VRK2: variants seen among roughly 807,000 people sequenced by gnomAD.
The protein encoded by VRK2 is VRK serine/threonine kinase 2.
In VRK2, 60 loss-of-function variants were observed where a neutral mutation model predicts 57.6. That is an observed-to-expected ratio of 1.04 (90% confidence interval 0.85 to 1.29). The LOEUF is 1.29. Ranked by LOEUF, VRK2 falls within the 50% of genes most tolerant of loss-of-function variation. The pLI is 0.00. For synonymous variants in VRK2, 231 were observed against 199.2 expected, an observed-to-expected ratio of 1.16 and a Z score of -1.35; for missense variants, 705 against 588.1, an observed-to-expected ratio of 1.20 and a Z score of -2.06.
chr2:57,950,071 A>G (rs1671378451), intron 1 of VRK2, among the ~76,000 whole-genome samples: 1 of 152,250 alleles, frequency 6.6e-6, no homozygotes, highest in African/African-American at 2.4e-5. Flanking sequence ...CATGAGATTT[A>G]AGGAAAGAAG....
At chr2:58,091,837 C>T (rs1479878412) in intron 7 of VRK2, among the ~76,000 whole-genome samples, 1 of 151,866 alleles carries the variant, frequency 6.6e-6, no homozygotes, top group Non-Finnish European at 1.5e-5. Flanking sequence ...ATAAGGAGAC[C>T]AAAACAGCGA....
intron 2 of VRK2, among the ~76,000 whole-genome samples, chr2:58,083,750 C>T (rs542161998): frequency 1.0e-3 from 154 of 151,670 alleles, no homozygotes; most frequent in Middle Eastern, 3.4e-3. Flanking sequence ...AAATATTTCC[C>T]CCCACATTTT....
chr2:57,961,242 C>G (rs532645424), intron 1 of VRK2, among the ~76,000 whole-genome samples: 1 of 152,008 alleles, frequency 6.6e-6, no homozygotes. Context: ...TGAAGAAAAT[C>G]GGAAAGAGAA....
intron 11 of VRK2, 110 bp downstream of exon 11, chr2:58,139,942 A>G: frequency 8.5e-7 from 1 of 1,181,854 alleles, no homozygotes; most frequent in Non-Finnish European, 1.2e-6. Flanking sequence ...TCTTCCTTAT[A>G]TTTAACTCCC....
At chr2:57,981,023 C>T (rs567535404) in intron 1 of VRK2, among the ~76,000 whole-genome samples, 1 of 152,126 alleles carries the variant, frequency 6.6e-6, no homozygotes, top group Non-Finnish European at 1.5e-5. Flanking sequence ...ACTTAGCCCA[C>T]TTACATTCAA....
At chr2:58,116,950 T>C (rs1172254731) in intron 7 of VRK2, among the ~76,000 whole-genome samples, 1 of 152,174 alleles carries the variant, frequency 6.6e-6, no homozygotes, top group Non-Finnish European at 1.5e-5. Context: ...TCTTGTGTGC[T>C]GGAGATGTGG....
At chr2:57,954,492 T>C (rs1323653581) in intron 1 of VRK2, among the ~76,000 whole-genome samples, 2 of 152,132 alleles carry the variant, frequency 1.3e-5, no homozygotes, top group Non-Finnish European at 2.9e-5. Context: ...TGTTTTCTTT[T>C]TTCCATTCTG....
chr2:58,063,569 A>G lies in VRK2; in HGVS notation c.136+14602A>G, dbSNP rs76863841. On this transcript the variant is annotated intron_variant, in intron 2 of 12. Transcript: ENST00000340157. The stretch of plus-strand genomic sequence containing the variant: ...TTGAAACCTACTTCTCAGAAACAAA[A>G]AAATTGCTTTCAAAACATTACTGCT... 4.1e-3 allele frequency among the ~76,000 whole-genome samples: 623 copies of G among 152,186 alleles called. 8 individuals carry two copies. Among genetic ancestry groups the G allele is most frequent in the African/African-American group, 0.014 (595 of 41,548 alleles).
chr2:58,136,596 GC>G (rs1680047312), intron 10 of VRK2, among the ~76,000 whole-genome samples: 1 of 151,262 alleles, frequency 6.6e-6, no homozygotes, highest in African/African-American at 2.4e-5. Context: ...TATTGGCCAG[GC>G]CTGGTCTCAA....
At chr2:58,142,737 A>G (rs1681523357) in intron 11 of VRK2, among the ~76,000 whole-genome samples, 1 of 151,916 alleles carries the variant, frequency 6.6e-6, no homozygotes, top group Non-Finnish European at 1.5e-5. Context: ...TAAAGCCAAG[A>G]TGGAAAACAG....
chr2:58,020,243 C>T lies in VRK2; in HGVS notation c.-438-5422C>T, dbSNP rs547477739. On this transcript the variant is annotated intron_variant, in intron 1 of 15. Coordinates refer to the VRK2 transcript ENST00000417641. ...TTTTGTTTTTAGAGACAGAGTCTTG[C>T]TCTGTTGTCCCGGCCTGGAGGGCAG... Among the ~76,000 whole-genome samples, 3 of 152,308 alleles carry T rather than the reference C, an allele frequency of 2.0e-5. No individual in the cohort carries two copies. The East Asian group carries it at 5.8e-4, about 29-fold the overall frequency.
At chr2:57,979,048 C>A (rs1005458319) in intron 1 of VRK2, among the ~76,000 whole-genome samples, 1 of 151,040 alleles carries the variant, frequency 6.6e-6, no homozygotes, top group Admixed American at 6.6e-5. Context: ...ACCATGTTTT[C>A]TTTATCCAGT....
chr2:58,039,715 G>C (rs1204541149), intron 3 of VRK2, among the ~76,000 whole-genome samples: 1 of 151,944 alleles, frequency 6.6e-6, no homozygotes, highest in East Asian at 1.9e-4. Context: ...CACACAATTT[G>C]AGTATAACTG....
intron 7 of VRK2, among the ~76,000 whole-genome samples, chr2:58,092,134 G>A (rs1464883518): frequency 6.6e-6 from 1 of 152,116 alleles, no homozygotes; most frequent in Non-Finnish European, 1.5e-5. Context: ...CCAAGATGTA[G>A]AACATTTCTT....
Position 58,034,908 on chromosome 2 carries a change from T to G in VRK2, c.-6+1355T>G, listed in dbSNP as rs534778472. ...TCAGTGGTGCCAGGTCATTGCCCCA[T>G]GAGGACTTGCAAACATATGATATAG... On this transcript the variant is annotated intron_variant, in intron 3 of 15. Coordinates refer to the VRK2 transcript ENST00000417641. Among the ~76,000 whole-genome samples, 14 of 152,130 alleles carry G rather than the reference T, an allele frequency of 9.2e-5. No homozygotes were observed. In the South Asian group the frequency reaches 2.3e-3, roughly 25 times the overall value.
At chr2:58,123,738 G>A (rs1677873469) in intron 8 of VRK2, among the ~76,000 whole-genome samples, 1 of 151,944 alleles carries the variant, frequency 6.6e-6, no homozygotes, top group Admixed American at 6.6e-5. Context: ...TGTAGTCCCA[G>A]CTGCTTGTGA....
intron 7 of VRK2, among the ~76,000 whole-genome samples, chr2:58,110,297 A>C (rs193296552): frequency 1.3e-5 from 2 of 152,326 alleles, no homozygotes; most frequent in Non-Finnish European, 2.9e-5. Flanking sequence ...TTTTCTTCAA[A>C]ACAGAAAGCA....
At chr2:57,981,897 T>C (rs1672434223) in intron 1 of VRK2, among the ~76,000 whole-genome samples, 1 of 152,206 alleles carries the variant, frequency 6.6e-6, no homozygotes, top group Non-Finnish European at 1.5e-5. Context: ...TCAGCCATTT[T>C]AGTCTGGTTA....
At chr2:57,963,550 C>T (rs1425841887) in intron 1 of VRK2, among the ~76,000 whole-genome samples, 3 of 152,062 alleles carry the variant, frequency 2.0e-5, no homozygotes, top group Non-Finnish European at 2.9e-5. Flanking sequence ...GACACATTAC[C>T]GTATGCTGCA....
Sources: gnomAD v4.1 joint callset for allele counts (sites outside exome capture counted in the v4.1 genomes callset) on GRCh38, gnomAD v4.1.1 for gene constraint, MANE v1.5 for transcripts, NCBI Gene and HGNC (gene_info 2026-07-23, HGNC 2026-07-21) for gene names.